Variants in MPP7 observed in about 807,000 individuals in gnomAD.
MPP7 encodes MAGUK p55 scaffold protein 7.
In MPP7, 60 loss-of-function variants were observed where a neutral mutation model predicts 76.5. That is an observed-to-expected ratio of 0.78 (90% CI 0.64 to 0.97). The LOEUF (loss-of-function observed/expected upper bound fraction) is 0.97, where lower values mean the gene tolerates loss of function less well. Among genes scored for constraint, MPP7 ranks in the 50% least tolerant of loss-of-function variants. The pLI is 0.00. For missense variants in MPP7, 641 were observed against 694.0 expected (o/e 0.92, Z 0.86); for synonymous variants, 237 against 244.5 (o/e 0.97, Z 0.29).
At chr10:28,286,512 T>C (rs1288323466) in intron 1 of MPP7, among the ~76,000 whole-genome samples, 3 of 152,186 alleles carry the variant, frequency 2.0e-5, no homozygotes, top group South Asian at 4.1e-4. Flanking sequence ...CTGGATGCAG[T>C]TGAGCAACCT....
At chr10:28,253,682 T>A (rs775777455) in intron 1 of MPP7, among the ~76,000 whole-genome samples, 1 of 152,078 alleles carries the variant, frequency 6.6e-6, no homozygotes, top group Non-Finnish European at 1.5e-5. Flanking sequence ...GCTCAAGACA[T>A]CATTTCTCAA....
chr10:28,307,331 C>T (rs1022328575), upstream of MPP7, among the ~76,000 whole-genome samples: 6 of 152,150 alleles, frequency 3.9e-5, no homozygotes, highest in African/African-American at 1.2e-4. Context: ...TTTCAAGTTG[C>T]CATTCTTGTT....
At chr10:28,108,024 G>A (rs1834377867) in intron 11 of MPP7, among the ~76,000 whole-genome samples, 1 of 152,124 alleles carries the variant, frequency 6.6e-6, no homozygotes, top group Admixed American at 6.5e-5. Context: ...TACTCCATAT[G>A]TCTGCAAAGG....
intron 11 of MPP7, among the ~76,000 whole-genome samples, chr10:28,101,922 A>G (rs896665512): frequency 2.0e-5 from 3 of 152,128 alleles, no homozygotes; most frequent in Non-Finnish European, 4.4e-5. Flanking sequence ...TATGCCATCC[A>G]CCAAAGCTAA....
At chr10:28,088,209 T>G (rs4333922) in intron 12 of MPP7, among the ~76,000 whole-genome samples, 46,412 of 151,810 alleles carry the variant, frequency 0.31, 8,744 homozygotes, top group East Asian at 0.88. Context: ...AGGTTCTCCA[T>G]TGATTCTCAT....
At position 28,194,976 on chromosome 10, in the gene MPP7, G is replaced by A. The variant is rs146887506; in HGVS notation, c.156+7177C>T. Among the ~76,000 whole-genome samples the A allele has an allele frequency of 5.8e-4, 89 of 152,228 alleles. 2 individuals carry two copies. In the East Asian group the frequency reaches 0.016, roughly 28 times the overall value. ...TGGGAAGGGGAGAAGGGGGATATGG[G>A]AGCTATCTGTACCATCTGCTCAATT... On this transcript the variant is annotated intron_variant, in intron 3 of 16. Transcript: ENST00000683449.
chr10:28,305,292 C>G (rs1841246014), upstream of MPP7: 1 of 152,142 alleles, frequency 6.6e-6, no homozygotes, highest in African/African-American at 2.4e-5. Flanking sequence ...GAGGTGAGGA[C>G]CTCGTAGGCA....
Position 28,176,430 on chromosome 10 carries a change from T to C in MPP7, c.156+25723A>G, listed in dbSNP as rs146909248. 5.4e-3 allele frequency among the ~76,000 whole-genome samples: 817 copies of C among 152,078 alleles called. 8 individuals carry two copies. Among genetic ancestry groups the C allele is most frequent in the African/African-American group, 0.018 (765 of 41,472 alleles). On this transcript the variant is annotated intron_variant, in intron 3 of 16. Transcript: ENST00000683449. The stretch of plus-strand genomic sequence containing the variant: ...GGCCAAAGCTGGGGTCATTTTAGCA[T>C]CAAAAAGAATAATAATTGCACTGGC...
At chr10:28,216,750 G>A (rs750096652) in intron 2 of MPP7, among the ~76,000 whole-genome samples, 4 of 152,116 alleles carry the variant, frequency 2.6e-5, no homozygotes, top group Non-Finnish European at 4.4e-5. Flanking sequence ...CAACAAATGT[G>A]CATTCAAATT....
At chr10:28,085,073 C>A (rs1400151095) in intron 12 of MPP7, among the ~76,000 whole-genome samples, 1 of 152,174 alleles carries the variant, frequency 6.6e-6, no homozygotes, top group Admixed American at 6.5e-5. Flanking sequence ...ATGAACAGTC[C>A]TTTAATCAAG....
intron 8 of MPP7, among the ~76,000 whole-genome samples, chr10:28,122,980 T>G (rs1051593204): frequency 3.9e-5 from 6 of 152,108 alleles, no homozygotes; most frequent in African/African-American, 1.4e-4. Flanking sequence ...TTTTTTGCAC[T>G]TATTTAATTT....
At chr10:28,159,107 T>C (rs2133815093) in intron 3 of MPP7, among the ~76,000 whole-genome samples, 1 of 152,296 alleles carries the variant, frequency 6.6e-6, no homozygotes, top group Admixed American at 6.5e-5. Flanking sequence ...ATTGAAAATG[T>C]CCTGGAAGCT....
chr10:28,230,578 C>G (rs562387952), intron 2 of MPP7, among the ~76,000 whole-genome samples: 3 of 152,238 alleles, frequency 2.0e-5, no homozygotes, highest in South Asian at 2.1e-4. Context: ...CTTTGGGAAG[C>G]CGAGGCAGGC....
rs758414714 is a variant in MPP7 at position 28,125,090 on chromosome 10, C to T, written c.449G>A (p.Gly150Glu). 1.2e-6 allele frequency: 2 copies of T among 1,613,614 alleles called. No individual in the cohort carries two copies. Among genetic ancestry groups the T allele is most frequent in the Admixed American group, 1.7e-5 (1 of 59,998 alleles). The stretch of plus-strand genomic sequence containing the variant: ...CTGTTCATCCTTCTTAATGGTAGCT[C>T]CCTTTTAAGACAAAAACAAAAAGCA... ...IRLVKNREPL[G>E]ATIKKDEQTG... Residue 150 changes from glycine (G) to glutamate (E), a missense_variant and splice_region_variant, in exon 7 of 17, where the codon GGA becomes GAA. Coordinates refer to ENST00000683449, the MANE Select transcript of MPP7 (RefSeq NM_001318170.2).
intron 5 of MPP7, 34 bp downstream of exon 5, chr10:28,147,449 G>C: frequency 1.3e-6 from 2 of 1,553,888 alleles, no homozygotes; most frequent in Non-Finnish European, 1.8e-6. Context: ...GGCCCTGTTT[G>C]AAGGTATTTA....
chr10:28,163,719 G>T (rs530238150), intron 3 of MPP7, among the ~76,000 whole-genome samples: 175 of 152,082 alleles, frequency 1.2e-3, no homozygotes, highest in African/African-American at 3.7e-3. Context: ...TGACCGAGGC[G>T]GGTGGATCAC....
chr10:28,306,668 T>TAGAGACAGAGAGAGAGAGAG (rs1841258441), upstream of MPP7, among the ~76,000 whole-genome samples: 1 of 148,396 alleles, frequency 6.7e-6, no homozygotes, highest in African/African-American at 2.5e-5. Context: ...GATAGATAGA[T>TAGAGACAGAGAGAGAGAGAG]AGAGAGAGAG....
chr10:28,214,744 T>C (rs990988380), intron 2 of MPP7, among the ~76,000 whole-genome samples: 1 of 152,210 alleles, frequency 6.6e-6, no homozygotes, highest in Non-Finnish European at 1.5e-5. Context: ...ATTCAGTTCA[T>C]GGTTTGACTC....
intron 12 of MPP7, among the ~76,000 whole-genome samples, chr10:28,088,088 A>G (rs1008564602): frequency 6.6e-6 from 1 of 152,196 alleles, no homozygotes; most frequent in Non-Finnish European, 1.5e-5. Context: ...TCCAGGACCT[A>G]CAGATGTGAG....
Sources: gnomAD v4.1 joint callset for allele counts (sites outside exome capture counted in the v4.1 genomes callset) on GRCh38, gnomAD v4.1.1 for gene constraint, MANE v1.5 for transcripts, NCBI Gene and HGNC (gene_info 2026-07-23, HGNC 2026-07-21) for gene names.